Variants in SCHIP1 observed in about 807,000 individuals in gnomAD.
The protein encoded by SCHIP1 is schwannomin interacting protein 1.
A neutral mutation model predicts 29.7 loss-of-function variants in SCHIP1; 8 were observed. That is an observed-to-expected ratio of 0.27 (90% confidence interval 0.16 to 0.49). SCHIP1 has a LOEUF of 0.49. Among genes scored for constraint, SCHIP1 ranks in the 20% least tolerant of loss-of-function variants. SCHIP1 has a pLI of 0.99. For missense variants in SCHIP1, 193 were observed against 294.6 expected (o/e 0.66, Z 2.52); for synonymous variants, 76 against 94.9 (o/e 0.80, Z 1.16).
the SCHIP1 span, among the ~76,000 whole-genome samples, chr3:159,311,719 T>C: frequency 2.0e-5 from 3 of 152,194 alleles, no homozygotes; most frequent in African/African-American, 7.2e-5. Flanking sequence ...CACTGGAAAG[T>C]ACCATATTTT....
the SCHIP1 span, among the ~76,000 whole-genome samples, chr3:159,308,429 C>T: frequency 1.3e-5 from 2 of 152,256 alleles, no homozygotes; most frequent in South Asian, 4.1e-4. Context: ...CGGAAAAACG[C>T]TCAGCATCAC....
At chr3:159,607,463 A>G in the SCHIP1 span, among the ~76,000 whole-genome samples, 1,849 of 152,318 alleles carry the variant, frequency 0.012, 36 homozygotes, top group African/African-American at 0.041. Flanking sequence ...TAAAGAAGAC[A>G]TTCAACTGTT....
At chr3:159,334,415 A>G in the SCHIP1 span, among the ~76,000 whole-genome samples, 3 of 152,190 alleles carry the variant, frequency 2.0e-5, no homozygotes, top group Admixed American at 1.3e-4. Context: ...TTTAAGAAAC[A>G]AACTGGTGAT....
chr3:159,745,160 T>C, the SCHIP1 span, among the ~76,000 whole-genome samples: 1 of 152,262 alleles, frequency 6.6e-6, no homozygotes, highest in African/African-American at 2.4e-5. Flanking sequence ...ACTGTTTACA[T>C]GCCTCAAATA....
the SCHIP1 span, among the ~76,000 whole-genome samples, chr3:159,734,262 C>T: frequency 6.6e-6 from 1 of 151,088 alleles, no homozygotes; most frequent in Non-Finnish European, 1.5e-5. Context: ...CCTGCCTCAG[C>T]CTGCTGAGTA....
the SCHIP1 span, among the ~76,000 whole-genome samples, chr3:159,564,181 T>A: frequency 6.6e-6 from 1 of 152,164 alleles, no homozygotes; most frequent in Non-Finnish European, 1.5e-5. Flanking sequence ...TATACTTGCC[T>A]ATGTGTTACA....
At chr3:159,771,887 T>C in the SCHIP1 span, among the ~76,000 whole-genome samples, 2 of 152,300 alleles carry the variant, frequency 1.3e-5, no homozygotes, top group East Asian at 3.9e-4. Flanking sequence ...CCAATTAGTT[T>C]GTACATAGTG....
the SCHIP1 span, among the ~76,000 whole-genome samples, chr3:159,308,605 G>C: frequency 2.0e-5 from 3 of 152,132 alleles, no homozygotes; most frequent in Non-Finnish European, 4.4e-5. Context: ...GCAGTCTGGA[G>C]ATTTCTCAAA....
At chr3:159,362,168 GA>G in the SCHIP1 span, among the ~76,000 whole-genome samples, 1 of 152,140 alleles carries the variant, frequency 6.6e-6, no homozygotes, top group Non-Finnish European at 1.5e-5. Context: ...GTAAATGCAG[GA>G]AAAAATCCAA....
the SCHIP1 span, among the ~76,000 whole-genome samples, chr3:159,572,311 G>A: frequency 6.6e-6 from 1 of 151,956 alleles, no homozygotes; most frequent in Non-Finnish European, 1.5e-5. Context: ...AGAGATTCTG[G>A]TATGTTGTGT....
chr3:159,776,967 T>A, the SCHIP1 span, among the ~76,000 whole-genome samples: 1 of 152,128 alleles, frequency 6.6e-6, no homozygotes, highest in African/African-American at 2.4e-5. Flanking sequence ...GGAAGGTATG[T>A]CCCAGGGGTA....
At chr3:159,633,427 A>G in the SCHIP1 span, among the ~76,000 whole-genome samples, 381 of 152,302 alleles carry the variant, frequency 2.5e-3, 1 homozygote, top group Non-Finnish European at 4.0e-3. Context: ...TGGGAGAGAG[A>G]GAAAGGGCCC....
chr3:159,505,456 C>A, the SCHIP1 span, among the ~76,000 whole-genome samples: 2 of 152,084 alleles, frequency 1.3e-5, no homozygotes, highest in African/African-American at 4.8e-5. Flanking sequence ...TATTGTTGAG[C>A]CATTATAATT....
intron 2 of SCHIP1, among the ~76,000 whole-genome samples, chr3:159,872,021 C>T (rs150193873): frequency 1.3e-5 from 2 of 152,298 alleles, no homozygotes; most frequent in Non-Finnish European, 2.9e-5. Context: ...CCAGCCTCCC[C>T]TGTGGGCACA....
chr3:159,452,967 GA>G, the SCHIP1 span, among the ~76,000 whole-genome samples: 1 of 152,324 alleles, frequency 6.6e-6, no homozygotes, highest in East Asian at 1.9e-4. Flanking sequence ...ATTTGTCTTT[GA>G]CTTTGCAAAC....
At chr3:159,557,319 A>G in the SCHIP1 span, among the ~76,000 whole-genome samples, 1 of 152,328 alleles carries the variant, frequency 6.6e-6, no homozygotes, top group East Asian at 1.9e-4. Context: ...TTAAAGAGAA[A>G]AATGTTTGTA....
At chr3:159,882,536 AC>A (rs1346957908) in intron 2 of SCHIP1, among the ~76,000 whole-genome samples, 4 of 152,190 alleles carry the variant, frequency 2.6e-5, no homozygotes, top group South Asian at 2.1e-4. Flanking sequence ...AAAGCCAAGA[AC>A]AAAGGCCCAA....
the SCHIP1 span, among the ~76,000 whole-genome samples, chr3:159,650,896 TGTGA>T: frequency 9.2e-5 from 14 of 152,120 alleles, no homozygotes; most frequent in African/African-American, 3.4e-4. Flanking sequence ...AAAAGCTGAG[TGTGA>T]GTGACAGCAT....
At chr3:159,652,325 G>A in the SCHIP1 span, among the ~76,000 whole-genome samples, 2 of 152,098 alleles carry the variant, frequency 1.3e-5, no homozygotes, top group Non-Finnish European at 2.9e-5. Flanking sequence ...GTGATTGGTG[G>A]TTTTTTAACA....
Sources: allele counts gnomAD v4.1 joint callset (sites outside exome capture counted in the v4.1 genomes callset), GRCh38; gene constraint gnomAD v4.1.1; transcripts MANE v1.5; gene names NCBI Gene and HGNC (gene_info 2026-07-23, HGNC 2026-07-21).